The following STAC variants were observed in gnomAD, a reference collection of about 807,000 sequenced individuals.
STAC encodes the protein SH3 and cysteine rich domain.
In STAC, 43 loss-of-function variants were observed where a neutral mutation model predicts 48.8. That is an observed-to-expected ratio of 0.88 (90% CI 0.69 to 1.14). STAC has a LOEUF of 1.14. STAC is among the 50% of genes most tolerant of loss of function. STAC has a pLI of 0.00. For synonymous variants in STAC, 193 were observed against 179.5 expected (o/e 1.07, Z -0.60); for missense variants, 497 against 504.0 (o/e 0.99, Z 0.13).
chr3:36,426,398 C>G (rs1043516482), intron 1 of STAC, among the ~76,000 whole-genome samples: 3 of 152,184 alleles, frequency 2.0e-5, no homozygotes, highest in Admixed American at 6.5e-5. Context: ...CTCCAAGCAG[C>G]CTTTAAAGCT....
At chr3:36,435,372 T>C (rs1475796901) in intron 1 of STAC, among the ~76,000 whole-genome samples, 1 of 152,150 alleles carries the variant, frequency 6.6e-6, no homozygotes. Context: ...TCCATCTTTC[T>C]CCTTATGGTG....
chr3:36,547,018 C>T lies in STAC; in HGVS notation c.*729C>T, dbSNP rs1198761244. ...TACTGGCCTGGGTGACAGAGCAGGACATGAGACATAGATACAGTGGGGAGG... is the reference window on the plus strand; with the variant it reads ...TACTGGCCTGGGTGACAGAGCAGGATATGAGACATAGATACAGTGGGGAGG... On this transcript the variant is annotated 3_prime_UTR_variant, in exon 11 of 11. Transcript: ENST00000273183. The T allele has an allele frequency of 6.6e-6, 1 of 152,398 alleles. No individual in the cohort carries two copies. The highest frequency in any genetic ancestry group is 2.4e-5 in the African/African-American group (1 of 41,432). The allele number at this position is 152,398 out of a possible 1,614,324, so 9.4% of individuals were successfully genotyped here. A position where few individuals can be genotyped will look rare whatever the true frequency, so the allele number is the denominator to read the frequency against.
At chr3:36,531,783 G>A (rs1323429406) in intron 10 of STAC, among the ~76,000 whole-genome samples, 3 of 152,124 alleles carry the variant, frequency 2.0e-5, no homozygotes, top group Non-Finnish European at 4.4e-5. Flanking sequence ...TGGCACCTGT[G>A]GTGCAATTAG....
chr3:36,391,390 C>T (rs957188052), intron 1 of STAC, among the ~76,000 whole-genome samples: 1 of 152,182 alleles, frequency 6.6e-6, no homozygotes, highest in Non-Finnish European at 1.5e-5. Context: ...CTTATCATTT[C>T]ATCCACCAGC....
At chr3:36,537,530 T>C (rs1019464349) in intron 10 of STAC, among the ~76,000 whole-genome samples, 3 of 151,900 alleles carry the variant, frequency 2.0e-5, no homozygotes, top group South Asian at 2.1e-4. Flanking sequence ...CAACACACAC[T>C]AGGGCCTGTT....
chr3:36,403,253 G>C (rs1475560786), intron 1 of STAC, among the ~76,000 whole-genome samples: 2 of 152,058 alleles, frequency 1.3e-5, no homozygotes, highest in African/African-American at 4.8e-5. Context: ...CAATTCTGAA[G>C]ACTGAATCAG....
At chr3:36,424,110 T>C (rs2125646890) in intron 1 of STAC, among the ~76,000 whole-genome samples, 2 of 152,276 alleles carry the variant, frequency 1.3e-5, no homozygotes, top group East Asian at 3.9e-4. Flanking sequence ...ATGTAGCTGA[T>C]AAGTATTTGT....
At chr3:36,463,325 T>C (rs992014156) in intron 2 of STAC, among the ~76,000 whole-genome samples, 1 of 152,108 alleles carries the variant, frequency 6.6e-6, no homozygotes, top group Non-Finnish European at 1.5e-5. Flanking sequence ...CCTCAGTCAT[T>C]AGGCTAGTAA....
At chr3:36,460,172 G>T (rs2125682865) in intron 2 of STAC, among the ~76,000 whole-genome samples, 1 of 152,046 alleles carries the variant, frequency 6.6e-6, no homozygotes, top group Middle Eastern at 3.4e-3. Context: ...CCCCATTCTT[G>T]CCCTATAGCC....
intron 1 of STAC, among the ~76,000 whole-genome samples, chr3:36,388,640 T>A (rs1699675249): frequency 6.6e-6 from 1 of 152,028 alleles, no homozygotes; most frequent in Non-Finnish European, 1.5e-5. Flanking sequence ...TTCATCCATC[T>A]GGAATTTATA....
At chr3:36,538,392 C>T (rs867782678) in intron 10 of STAC, among the ~76,000 whole-genome samples, 23 of 152,136 alleles carry the variant, frequency 1.5e-4, no homozygotes, top group Admixed American at 3.3e-4. Context: ...TCTAGATGTA[C>T]AGGAATGTGT....
chr3:36,385,200 T>A (rs1699590882), intron 1 of STAC, among the ~76,000 whole-genome samples: 1 of 152,146 alleles, frequency 6.6e-6, no homozygotes, highest in Non-Finnish European at 1.5e-5. Flanking sequence ...TACGTAGTCT[T>A]CCTATACTTT....
At chr3:36,409,232 C>G (rs1700143283) in intron 1 of STAC, among the ~76,000 whole-genome samples, 1 of 152,124 alleles carries the variant, frequency 6.6e-6, no homozygotes, top group Non-Finnish European at 1.5e-5. Flanking sequence ...GTAAGTGTGC[C>G]AGTGACAGAC....
At position 36,529,086 on chromosome 3, in the gene STAC, C is replaced by G. The variant is rs549973415; in HGVS notation, c.1110+101C>G. 96 of 1,187,422 alleles carry G rather than the reference C, an allele frequency of 8.1e-5. 1 individual carries two copies. In the South Asian group the frequency reaches 1.8e-3, roughly 23 times the overall value. 73.6% of individuals were successfully genotyped at this position (1,187,422 alleles called of 1,614,324 possible). A position where few individuals can be genotyped will look rare whatever the true frequency, so the allele number is the denominator to read the frequency against. On this transcript the variant is annotated intron_variant, in intron 10 of 10. Coordinates refer to ENST00000273183, the MANE Select transcript of STAC (RefSeq NM_003149.3). ...AAATCTGAATGAGTGGGGTCACATT[C>G]AAAGTATTCACTTTGAGAAAAGATA...
At chr3:36,415,050 C>A (rs774225284) in intron 1 of STAC, among the ~76,000 whole-genome samples, 2 of 152,168 alleles carry the variant, frequency 1.3e-5, no homozygotes, top group Non-Finnish European at 2.9e-5. Flanking sequence ...ACAGGGGTGC[C>A]CAGCCGTGTG....
chr3:36,396,054 A>G (rs924266761), intron 1 of STAC, among the ~76,000 whole-genome samples: 16 of 152,174 alleles, frequency 1.1e-4, no homozygotes, highest in Admixed American at 6.5e-4. Flanking sequence ...CTCTCTGGTC[A>G]TAGTTTTCAT....
At chr3:36,439,887 A>G (rs1006667246) in intron 1 of STAC, among the ~76,000 whole-genome samples, 3 of 152,220 alleles carry the variant, frequency 2.0e-5, no homozygotes, top group African/African-American at 7.2e-5. Flanking sequence ...CCATCAAGAT[A>G]CACTAGCTTA....
intron 2 of STAC, among the ~76,000 whole-genome samples, chr3:36,450,175 A>G (rs1352020679): frequency 6.6e-6 from 1 of 152,238 alleles, no homozygotes; most frequent in African/African-American, 2.4e-5. Flanking sequence ...TTATGTGCCT[A>G]TTCCCACTGA....
chr3:36,465,179 T>C (rs796650796), intron 2 of STAC, among the ~76,000 whole-genome samples: 3 of 152,322 alleles, frequency 2.0e-5, no homozygotes, highest in African/African-American at 7.2e-5. Context: ...TGGTATCACA[T>C]TGTGGTTTTG....
Sources: allele counts gnomAD v4.1 joint callset (sites outside exome capture counted in the v4.1 genomes callset), GRCh38; gene constraint gnomAD v4.1.1; transcripts MANE v1.5; gene names NCBI Gene and HGNC (gene_info 2026-07-23, HGNC 2026-07-21).